AFF1: variants seen among roughly 807,000 people sequenced by gnomAD.
The protein encoded by AFF1 is ALF transcription elongation factor 1, also known as AF4/FMR2 family member 1.
A neutral mutation model predicts 121.7 loss-of-function variants in AFF1; 48 were observed. The ratio of observed to expected loss-of-function variants is 0.39; its 90% CI spans 0.31 to 0.50. The LOEUF is 0.50. Among genes scored for constraint, AFF1 ranks in the 20% least tolerant of loss-of-function variants. The probability of loss-of-function intolerance (pLI) is 0.76; values close to 1 mark genes in which losing one functional copy is unlikely to be tolerated. For synonymous variants in AFF1, 613 were observed against 563.0 expected (o/e 1.09, Z -1.26); for missense variants, 1,523 against 1,511.7 (o/e 1.01, Z -0.12).
chr4:87,115,118 C>T lies in AFF1; in HGVS notation c.2285C>T (p.Thr762Ile), dbSNP rs375440797. The change falls in exon 12 of 21, where the codon ACT becomes ATT. Residue 762 changes from threonine (T) to isoleucine (I), a missense_variant. Physicochemically the swap from Thr to Ile is moderately conservative, Grantham distance 89 (BLOSUM62 -1). Transcript: ENST00000395146. ...AAGCTGCTCTCACCGCTCAGGGACA[C>T]TCCTCCCCCACAAAGCTTGATGGTG... ...DTKLLSPLRD[T>I]PPPQSLMVKI... The T allele has an allele frequency of 1.2e-6, 2 of 1,614,118 alleles. No individual in the cohort carries two copies. Among genetic ancestry groups the T allele is most frequent in the Non-Finnish European group, 1.7e-6 (2 of 1,180,020 alleles).
At chr4:87,114,342 CT>C (rs747918779) in intron 11 of AFF1, 24 bp from the exon 12 acceptor site, 1 of 1,566,284 alleles carries the variant, frequency 6.4e-7, no homozygotes, top group South Asian at 1.2e-5. Flanking sequence ...TCAGTTAACA[CT>C]TTTCTTTCTT....
At chr4:86,959,606 G>T (rs145630213) in intron 2 of AFF1, among the ~76,000 whole-genome samples, 2 of 151,990 alleles carry the variant, frequency 1.3e-5, no homozygotes, top group East Asian at 3.9e-4. Context: ...CAGAGTGCTG[G>T]TACTTTCCTT....
chr4:87,008,904 G>A (rs934373193), intron 2 of AFF1, among the ~76,000 whole-genome samples: 6 of 152,042 alleles, frequency 3.9e-5, no homozygotes, highest in Admixed American at 2.0e-4. Context: ...TTTATTTAAT[G>A]TATTTAAAAA....
At chr4:87,106,711 T>G (rs1037499604) in intron 10 of AFF1, among the ~76,000 whole-genome samples, 1 of 152,224 alleles carries the variant, frequency 6.6e-6, no homozygotes, top group African/African-American at 2.4e-5. Context: ...TATAATACTT[T>G]CCTCTGGTAA....
intron 8 of AFF1, among the ~76,000 whole-genome samples, chr4:87,096,297 CCTTTTT>C (rs1560620909): frequency 1.1e-5 from 1 of 88,212 alleles, no homozygotes; most frequent in African/African-American, 4.2e-5. Context: ...TTTGTTATTC[CCTTTTT>C]TTTTTTTTTT....
intron 8 of AFF1, among the ~76,000 whole-genome samples, chr4:87,103,865 C>G (rs1725660090): frequency 6.6e-6 from 1 of 152,188 alleles, no homozygotes; most frequent in Admixed American, 6.5e-5. Context: ...AACCTAGTAA[C>G]TAAGAAAGAG....
intron 4 of AFF1, among the ~76,000 whole-genome samples, chr4:87,064,878 G>A (rs78038751): frequency 1.7e-3 from 235 of 138,996 alleles, no homozygotes; most frequent in Middle Eastern, 3.7e-3. Flanking sequence ...CGTCTCAAAA[G>A]AAAAAAAAAA....
At chr4:86,965,215 T>A (rs1722453038) in intron 2 of AFF1, among the ~76,000 whole-genome samples, 1 of 152,254 alleles carries the variant, frequency 6.6e-6, no homozygotes, top group Admixed American at 6.5e-5. Flanking sequence ...TATAAAGTCT[T>A]CAGAATTATG....
intron 2 of AFF1, among the ~76,000 whole-genome samples, chr4:87,044,221 A>G (rs1730445134): frequency 6.6e-6 from 1 of 152,248 alleles, no homozygotes; most frequent in African/African-American, 2.4e-5. Context: ...ATACTAGATT[A>G]CTTTTTAGAT....
intron 8 of AFF1, among the ~76,000 whole-genome samples, chr4:87,103,048 A>G (rs1043940338): frequency 6.6e-6 from 1 of 152,242 alleles, no homozygotes; most frequent in Non-Finnish European, 1.5e-5. Flanking sequence ...TCAGCTACAT[A>G]GATTTTCTGT....
Position 87,129,220 on chromosome 4 carries a change from A to T in AFF1, c.2964+1517A>T, listed in dbSNP as rs578165760. On this transcript the variant is annotated intron_variant, in intron 16 of 20. Coordinates refer to ENST00000395146, the MANE Select transcript of AFF1 (RefSeq NM_001166693.3). ...TAAGCCCCTGTGGCCCACCCACTCC[A>T]TAATATTCTCCCTTAATAGCATAAT... Among the ~76,000 whole-genome samples, 3 of 152,314 alleles carry T rather than the reference A, an allele frequency of 2.0e-5. No individual in the cohort carries two copies. In the East Asian group the frequency reaches 5.8e-4, roughly 29 times the overall value.
In AFF1 at chr4:87,138,041, T is replaced by C. The variant is rs181437865; in HGVS notation, c.*2340T>C. ...TACTCTTTGTGGGTTTTTTTTTTTT[T>C]CTCTGAACTTGATATAAAGATTTTA... is the stretch of plus-strand genomic sequence containing the variant. On this transcript the variant is annotated 3_prime_UTR_variant, in exon 21 of 21. Transcript: ENST00000395146. 7.8e-5 allele frequency: 18 copies of C among 229,662 alleles called. No homozygotes were observed. The highest frequency in any genetic ancestry group is 1.7e-4 in the Admixed American group (3 of 17,572). The allele number at this position is 229,662 out of a possible 1,614,324, so 14.2% of individuals were successfully genotyped here.
At chr4:86,946,380 C>T (rs908180897) in intron 1 of AFF1, among the ~76,000 whole-genome samples, 1 of 152,074 alleles carries the variant, frequency 6.6e-6, no homozygotes, top group Non-Finnish European at 1.5e-5. Flanking sequence ...TTTTTTGAGG[C>T]AGGGCCTTGC....
chr4:86,956,943 A>G (rs1405608262), intron 2 of AFF1, among the ~76,000 whole-genome samples: 2 of 152,106 alleles, frequency 1.3e-5, no homozygotes, highest in Non-Finnish European at 2.9e-5. Flanking sequence ...TTCTGTTTGG[A>G]GTCATCTTTA....
At chr4:87,036,701 A>G in intron 2 of AFF1, 4 of 403,508 alleles carry the variant, frequency 9.9e-6, no homozygotes, top group Middle Eastern at 3.5e-4. Context: ...GACTTATGAG[A>G]TCTATTAAGA....
At chr4:86,964,256 T>C (rs1418899642) in intron 2 of AFF1, among the ~76,000 whole-genome samples, 1 of 151,334 alleles carries the variant, frequency 6.6e-6, no homozygotes, top group African/African-American at 2.4e-5. Context: ...CCCGAGTAGC[T>C]GGGATTGCAG....
chr4:87,119,012 C>T (rs1727401019), intron 12 of AFF1, among the ~76,000 whole-genome samples: 1 of 129,880 alleles, frequency 7.7e-6, no homozygotes, highest in South Asian at 2.4e-4. Context: ...TAGGGGGGAC[C>T]AATCAGAGTT....
chr4:87,139,533 A>T lies in AFF1; in HGVS notation c.*3832A>T, dbSNP rs183733346. 980 of 230,994 alleles carry T rather than the reference A, an allele frequency of 4.2e-3. 4 individuals are homozygous for T. Among genetic ancestry groups the T allele is most frequent in the Non-Finnish European group, 6.1e-3 (709 of 116,422 alleles). The allele number at this position is 230,994 out of a possible 1,614,324, so 14.3% of individuals were successfully genotyped here. ...AATATTTTGTGCTTTCTTTAGAAAC[A>T]CAAGAGTATAGATTTTTCTCACTGA... On this transcript the variant is annotated 3_prime_UTR_variant, in exon 21 of 21. Coordinates refer to ENST00000395146, the MANE Select transcript of AFF1 (RefSeq NM_001166693.3).
intron 2 of AFF1, among the ~76,000 whole-genome samples, chr4:86,998,237 G>A (rs2149516632): frequency 6.6e-6 from 1 of 151,990 alleles, no homozygotes; most frequent in East Asian, 1.9e-4. Flanking sequence ...CCTCATCATT[G>A]GCCTGCTGTG....
Sources: allele counts gnomAD v4.1 joint callset (sites outside exome capture counted in the v4.1 genomes callset), GRCh38; gene constraint gnomAD v4.1.1; transcripts MANE v1.5; gene names NCBI Gene and HGNC (gene_info 2026-07-23, HGNC 2026-07-21).